The following N4BP2L1 variants were observed in gnomAD, a reference collection of about 807,000 sequenced individuals.
N4BP2L1 encodes NEDD4 binding protein 2 like 1, also known as NEDD4-binding protein 2-like 1.
In N4BP2L1, 12 loss-of-function variants were observed where a neutral mutation model predicts 21.2. That is an observed-to-expected ratio of 0.57 (90% CI 0.36 to 0.92). N4BP2L1 has a LOEUF of 0.92. Ranked by LOEUF, N4BP2L1 falls within the 40% of genes least tolerant of loss-of-function variation. The pLI, the probability that N4BP2L1 is intolerant of heterozygous loss-of-function variation, is 0.01. For missense variants in N4BP2L1, 259 were observed against 310.6 expected (o/e 0.83, Z 1.25); for synonymous variants, 104 against 112.8 (o/e 0.92, Z 0.49).
chr13:32,420,095 G>A (rs867342981), intron 1 of N4BP2L1, among the ~76,000 whole-genome samples: 2 of 152,192 alleles, frequency 1.3e-5, no homozygotes, highest in Non-Finnish European at 2.9e-5. Flanking sequence ...TGGCTAGGGG[G>A]ACTCAGGGAA....
At chr13:32,427,867 C>T (rs2074880260) in intron 1 of N4BP2L1, 37 bp downstream of exon 1, 1 of 1,377,848 alleles carries the variant, frequency 7.3e-7, no homozygotes, top group Non-Finnish European at 9.5e-7. Context: ...TTGGTGGCCC[C>T]GGGCCCGTGC....
At chr13:32,412,367 T>C (rs1217230505) in intron 1 of N4BP2L1, among the ~76,000 whole-genome samples, 1 of 152,068 alleles carries the variant, frequency 6.6e-6, no homozygotes, top group East Asian at 1.9e-4. Context: ...TGGCTCACAT[T>C]TGTAATCCCA....
At chr13:32,403,528 C>T (rs1460838717) in intron 4 of N4BP2L1, 1 of 407,986 alleles carries the variant, frequency 2.5e-6, no homozygotes, top group Non-Finnish European at 4.6e-6. Context: ...CTGTTAATGT[C>T]ATGCATATAT....
In N4BP2L1 at chr13:32,409,818, A is replaced by G. The variant is rs759286718; in HGVS notation, c.180-2046T>C. Among the ~76,000 whole-genome samples the G allele has an allele frequency of 3.3e-5, 5 of 152,274 alleles. No homozygotes were observed. In the South Asian group the frequency reaches 1.0e-3, roughly 32 times the overall value. On this transcript the variant is annotated intron_variant, in intron 1 of 4. Coordinates refer to ENST00000380130, the MANE Select transcript of N4BP2L1 (RefSeq NM_052818.3). Reference sequence around the variant, plus strand: ...AGGAAGCGAGTGCTGGAGGGCTTGTAGGGGAGAAGGGGCTGCAGGGAAAAG... The same window carrying G: ...AGGAAGCGAGTGCTGGAGGGCTTGTGGGGGAGAAGGGGCTGCAGGGAAAAG...
At chr13:32,416,434 C>G (rs2074142056) in intron 1 of N4BP2L1, 1 of 152,206 alleles carries the variant, frequency 6.6e-6, no homozygotes, top group African/African-American at 2.4e-5. Context: ...TGTATTTTCT[C>G]TAGTGATACT....
chr13:32,419,439 T>A, intron 1 of N4BP2L1: 1 of 255,830 alleles, frequency 3.9e-6, no homozygotes. Context: ...TTTTTTTTTT[T>A]TTTTTTTTGT....
chr13:32,408,097 T>A (rs1411283250), intron 1 of N4BP2L1, among the ~76,000 whole-genome samples: 1 of 152,128 alleles, frequency 6.6e-6, no homozygotes, highest in African/African-American at 2.4e-5. Context: ...CTGGTGACTG[T>A]CTTTCTTCCT....
At chr13:32,421,723 C>T (rs1729805004) in intron 1 of N4BP2L1, among the ~76,000 whole-genome samples, 1 of 152,170 alleles carries the variant, frequency 6.6e-6, no homozygotes, top group South Asian at 2.1e-4. Context: ...TTGATAAAAA[C>T]AGCCTTCTCC....
intron 2 of N4BP2L1, 52 bp downstream of exon 2, chr13:32,407,593 C>A (rs2073604480): frequency 6.2e-7 from 1 of 1,608,288 alleles, no homozygotes; most frequent in African/African-American, 1.3e-5. Flanking sequence ...GCAGCAGCTA[C>A]AATCTATGTG....
At chr13:32,407,526 G>A (rs771249345) in intron 2 of N4BP2L1, 119 bp downstream of exon 2, 1 of 1,594,500 alleles carries the variant, frequency 6.3e-7, no homozygotes. Flanking sequence ...GTTCTGTTTT[G>A]GGGGAAAAAT....
chr13:32,415,411 C>T (rs1207508752), intron 1 of N4BP2L1, among the ~76,000 whole-genome samples: 2 of 152,150 alleles, frequency 1.3e-5, no homozygotes, highest in Non-Finnish European at 2.9e-5. Flanking sequence ...TTTTTAATCA[C>T]TTCTGAGCCT....
chr13:32,406,175 C>G (rs2073488622), intron 3 of N4BP2L1, among the ~76,000 whole-genome samples: 1 of 151,914 alleles, frequency 6.6e-6, no homozygotes, highest in Non-Finnish European at 1.5e-5. Flanking sequence ...TCCCAAAGTG[C>G]TGGGATTACA....
intron 3 of N4BP2L1, among the ~76,000 whole-genome samples, chr13:32,405,173 A>G (rs768232522): frequency 1.3e-5 from 2 of 152,200 alleles, no homozygotes; most frequent in Non-Finnish European, 2.9e-5. Flanking sequence ...TCGAATTAAT[A>G]GCTGAGGATG....
chr13:32,407,147 A>G, intron 3 of N4BP2L1, 103 bp downstream of exon 3: 1 of 1,213,508 alleles, frequency 8.2e-7, no homozygotes, highest in Non-Finnish European at 1.2e-6. Flanking sequence ...CACTGTTAGC[A>G]AATATGAAAT....
chr13:32,404,158 G>A, intron 4 of N4BP2L1, 163 bp downstream of exon 4: 1 of 1,610,902 alleles, frequency 6.2e-7, no homozygotes. Flanking sequence ...CAAAACTAAA[G>A]TCTTCACATT....
chr13:32,411,481 A>C, intron 1 of N4BP2L1: 27 of 979,184 alleles, frequency 2.8e-5, no homozygotes, highest in Non-Finnish European at 3.3e-5. Flanking sequence ...GAACTGATTA[A>C]ATAGACAATC....
intron 1 of N4BP2L1, among the ~76,000 whole-genome samples, chr13:32,412,646 A>C (rs1471267673): frequency 1.3e-5 from 2 of 151,916 alleles, no homozygotes. Flanking sequence ...TGTCTCAAAA[A>C]AAAAAAAAAA....
chr13:32,418,899 C>T (rs1232325032), intron 1 of N4BP2L1, among the ~76,000 whole-genome samples: 1 of 152,204 alleles, frequency 6.6e-6, no homozygotes, highest in Admixed American at 6.5e-5. Context: ...GCCTGTACCC[C>T]CATTGTATCT....
At chr13:32,422,789 G>A (rs932743732) in intron 1 of N4BP2L1, among the ~76,000 whole-genome samples, 1 of 152,206 alleles carries the variant, frequency 6.6e-6, no homozygotes, top group African/African-American at 2.4e-5. Flanking sequence ...ACTCTCGGTA[G>A]TGAGGAGAGG....
Sources: allele counts gnomAD v4.1 joint callset (sites outside exome capture counted in the v4.1 genomes callset), GRCh38; gene constraint gnomAD v4.1.1; transcripts MANE v1.5; gene names NCBI Gene and HGNC (gene_info 2026-07-23, HGNC 2026-07-21).